DCDC1: variants seen among roughly 807,000 people sequenced by gnomAD.
DCDC1 encodes the protein doublecortin domain containing 1, also known as doublecortin domain-containing protein 1.
A neutral mutation model predicts 178.3 loss-of-function variants in DCDC1; 200 were observed. The ratio of observed to expected loss-of-function variants is 1.12; its 90% CI spans 1.00 to 1.26. DCDC1 has a LOEUF of 1.26. DCDC1 is among the 50% of genes most tolerant of loss of function. The probability of loss-of-function intolerance (pLI) is 0.00; values close to 1 mark genes in which losing one functional copy is unlikely to be tolerated. For synonymous variants in DCDC1, 690 were observed against 604.8 expected (o/e 1.14, Z -2.07); for missense variants, 1,983 against 1,749.2 (o/e 1.13, Z -2.38).
intron 9 of DCDC1, among the ~76,000 whole-genome samples, chr11:31,176,919 A>G (rs1162002823): frequency 6.6e-6 from 1 of 152,206 alleles, no homozygotes; most frequent in Non-Finnish European, 1.5e-5. Flanking sequence ...ACGACTGGAA[A>G]CAAAAGAACA....
At chr11:31,173,196 A>G (rs970869528) in intron 9 of DCDC1, among the ~76,000 whole-genome samples, 1 of 152,250 alleles carries the variant, frequency 6.6e-6, no homozygotes, top group South Asian at 2.1e-4. Flanking sequence ...AAAATCAAAG[A>G]AAGTAAATTT....
intron 9 of DCDC1, among the ~76,000 whole-genome samples, chr11:31,169,552 G>A (rs1224142690): frequency 5.9e-5 from 9 of 152,098 alleles, no homozygotes; most frequent in Non-Finnish European, 1.2e-4. Context: ...GCCAGACAAC[G>A]ACTCATACAT....
intron 21 of DCDC1, among the ~76,000 whole-genome samples, chr11:30,941,618 T>G (rs574772849): frequency 1.4e-4 from 21 of 152,268 alleles, no homozygotes; most frequent in African/African-American, 2.6e-4. Context: ...ATTTTAAAAA[T>G]TTTGGAAATT....
In DCDC1 at chr11:30,952,568, C is replaced by A. The variant is rs158633; in HGVS notation, c.2592G>T (p.Arg864Ser). 0.1 allele frequency: 130,589 copies of A among 1,273,900 alleles called. 7,884 individuals carry two copies. Among genetic ancestry groups the A allele is most frequent in the Admixed American group, 0.24 (12,269 of 50,342 alleles). 78.9% of individuals were successfully genotyped at this position (1,273,900 alleles called of 1,614,324 possible). Residue 864 changes from arginine to serine, a missense_variant and splice_region_variant, in exon 21 of 39, where the codon AGG becomes AGT. By Grantham distance (110) the Arg-to-Ser change is moderately radical. Transcript: ENST00000684477. ...EEKHPKASAQRWAIKHEGTSK... is the reference protein window; with the variant it reads ...EEKHPKASAQSWAIKHEGTSK... ...TGGTTCCTTCATGTTTTATGGCCCA[C>A]CTAAAACAAAAGATAAAAAACAAAA...
chr11:31,115,111 G>A (rs538645663), intron 11 of DCDC1, among the ~76,000 whole-genome samples: 1 of 152,208 alleles, frequency 6.6e-6, no homozygotes, highest in South Asian at 2.1e-4. Context: ...AAATGTCAAC[G>A]AAGTACTAAA....
intron 38 of DCDC1, among the ~76,000 whole-genome samples, chr11:30,874,996 C>G (rs180963336): frequency 5.9e-5 from 9 of 152,270 alleles, no homozygotes; most frequent in Admixed American, 5.9e-4. Context: ...TCTCCTTCAA[C>G]CCAGTTGCAC....
intron 20 of DCDC1, among the ~76,000 whole-genome samples, chr11:31,014,230 T>TC (rs764548010): frequency 6.6e-6 from 1 of 151,916 alleles, no homozygotes; most frequent in East Asian, 1.9e-4. Flanking sequence ...TCTCTTTTTC[T>TC]CCCCCCTCCC....
intron 9 of DCDC1, among the ~76,000 whole-genome samples, chr11:31,217,046 TAAA>T (rs1321259962): frequency 1.3e-5 from 2 of 152,120 alleles, no homozygotes; most frequent in Non-Finnish European, 1.5e-5. Context: ...AAAAGGGCAA[TAAA>T]GAAGGATCCT....
At chr11:31,282,770 A>C (rs1191806195) in intron 7 of DCDC1, among the ~76,000 whole-genome samples, 1 of 152,120 alleles carries the variant, frequency 6.6e-6, no homozygotes, top group Non-Finnish European at 1.5e-5. Flanking sequence ...TGTGCTTCAT[A>C]TTCTGTTTGC....
chr11:31,133,919 T>C (rs1273371503), intron 10 of DCDC1, among the ~76,000 whole-genome samples: 1 of 152,156 alleles, frequency 6.6e-6, no homozygotes, highest in East Asian at 1.9e-4. Context: ...GCCAGGCTGG[T>C]CTCGAACCCC....
chr11:31,328,276 G>A lies in DCDC1; in HGVS notation c.5C>T (p.Ala2Val). 6.4e-7 allele frequency: 1 copy of A among 1,552,208 alleles called. No homozygotes were observed. Among genetic ancestry groups the A allele is most frequent in the Non-Finnish European group, 8.7e-7 (1 of 1,145,842 alleles). ...TCTGTGATCTTCTGCTCCTGTTTTTGCCATTTTCAGCTAAAAATGATAAAG... is the reference window on the plus strand; with the variant it reads ...TCTGTGATCTTCTGCTCCTGTTTTTACCATTTTCAGCTAAAAATGATAAAG... Reference protein sequence around the residue: MAKTGAEDHREA... With the variant: MVKTGAEDHREA... Residue 2 changes from alanine (A) to valine (V), a missense_variant, in exon 3 of 39, where the codon GCA becomes GTA. Transcript: ENST00000684477.
At chr11:31,072,297 C>T (rs1168985710) in intron 18 of DCDC1, among the ~76,000 whole-genome samples, 1 of 151,926 alleles carries the variant, frequency 6.6e-6, no homozygotes, top group African/African-American at 2.4e-5. Context: ...AAGTGCATAT[C>T]GTTTTCTATG....
intron 20 of DCDC1, among the ~76,000 whole-genome samples, chr11:30,956,810 T>G (rs1406875763): frequency 6.6e-6 from 1 of 152,048 alleles, no homozygotes; most frequent in Non-Finnish European, 1.5e-5. Flanking sequence ...TCTTTTAAAT[T>G]TATAACCACA....
At chr11:31,044,705 A>G (rs901091763) in intron 20 of DCDC1, among the ~76,000 whole-genome samples, 15 of 152,212 alleles carry the variant, frequency 9.9e-5, no homozygotes, top group African/African-American at 3.6e-4. Flanking sequence ...CAGAGCATCC[A>G]GATAACAGTC....
chr11:30,978,844 GGTA>G (rs1419503675), intron 20 of DCDC1, among the ~76,000 whole-genome samples: 5 of 141,584 alleles, frequency 3.5e-5, no homozygotes, highest in African/African-American at 1.4e-4. Flanking sequence ...CTCAGCCTCT[GGTA>G]TCTATCATTC....
chr11:30,903,545 C>T lies in DCDC1; in HGVS notation c.4447G>A (p.Glu1483Lys), dbSNP rs1944853962. The T allele has an allele frequency of 1.2e-6, 2 of 1,606,844 alleles. No homozygotes were observed. The highest frequency in any genetic ancestry group is 1.7e-5 in the Admixed American group (1 of 58,992). Reference sequence around the variant, plus strand: ...GGAGCTGCATCTTGCTTTTGTTTCTCAGAGTCTCTCTGGAGAAAGGATTCA... The same window carrying T: ...GGAGCTGCATCTTGCTTTTGTTTCTTAGAGTCTCTCTGGAGAAAGGATTCA... Reference protein sequence around the residue: ...LDESFLQRDSEKQKQDAAPVG... With the variant: ...LDESFLQRDSKKQKQDAAPVG... Residue 1483 changes from glutamate (E) to lysine (K), a missense_variant, in exon 32 of 39, where the codon GAG becomes AAG. Coordinates refer to ENST00000684477, the MANE Select transcript of DCDC1 (RefSeq NM_001387274.1).
chr11:31,177,867 TATGTAA>T (rs1287936870), intron 9 of DCDC1, among the ~76,000 whole-genome samples: 1 of 151,972 alleles, frequency 6.6e-6, no homozygotes, highest in Non-Finnish European at 1.5e-5. Context: ...AGCCCCCACA[TATGTAA>T]AGCAAATATT....
At chr11:30,965,724 T>C (rs1949392676) in intron 20 of DCDC1, among the ~76,000 whole-genome samples, 1 of 142,800 alleles carries the variant, frequency 7.0e-6, no homozygotes, top group South Asian at 2.3e-4. Flanking sequence ...TAGCATTAGG[T>C]ATATCTCCCA....
At position 31,106,783 on chromosome 11, in the gene DCDC1, C is replaced by T. The variant is rs1476960195; in HGVS notation, c.1751+14G>A. ...GGAAAGATTGAGGACAGAAAACAAACCCCTTGCTCCTACCTGTATGCTCTA... is the reference window on the plus strand; with the variant it reads ...GGAAAGATTGAGGACAGAAAACAAATCCCTTGCTCCTACCTGTATGCTCTA... On this transcript the variant is annotated intron_variant, in intron 13 of 38. Transcript: ENST00000684477. The T allele has an allele frequency of 3.9e-6, 3 of 764,812 alleles. No homozygotes were observed. The highest frequency in any genetic ancestry group is 2.4e-5 in the East Asian group (1 of 41,210). The allele number at this position is 764,812 out of a possible 1,614,324, so 47.4% of individuals were successfully genotyped here.
Sources: allele counts gnomAD v4.1 joint callset (sites outside exome capture counted in the v4.1 genomes callset), GRCh38; gene constraint gnomAD v4.1.1; transcripts MANE v1.5; gene names NCBI Gene and HGNC (gene_info 2026-07-23, HGNC 2026-07-21).